Variants in LRMDA observed in about 807,000 individuals in gnomAD.
LRMDA encodes leucine rich melanocyte differentiation associated, also known as leucine-rich melanocyte differentiation-associated protein.
A neutral mutation model predicts 29.8 loss-of-function variants in LRMDA; 18 were observed. That is an observed-to-expected ratio of 0.60 (90% CI 0.42 to 0.90). The LOEUF is 0.90. Ranked by LOEUF, LRMDA falls within the 40% of genes least tolerant of loss-of-function variation. The pLI, the probability that LRMDA is intolerant of heterozygous loss-of-function variation, is 0.00. For missense variants in LRMDA, 273 were observed against 273.9 expected, an observed-to-expected ratio of 1.00 and a Z score of 0.02; for synonymous variants, 125 against 109.4, an observed-to-expected ratio of 1.14 and a Z score of -0.89.
intron 4 of LRMDA, among the ~76,000 whole-genome samples, chr10:76,051,419 A>G (rs1732509858): frequency 6.6e-6 from 1 of 152,196 alleles, no homozygotes; most frequent in Admixed American, 6.5e-5. Flanking sequence ...GGCCTCTGCC[A>G]GTTGTCAGGC....
At chr10:76,196,964 TC>T (rs1295856443) in intron 5 of LRMDA, among the ~76,000 whole-genome samples, 2 of 152,120 alleles carry the variant, frequency 1.3e-5, no homozygotes, top group African/African-American at 4.8e-5. Flanking sequence ...TGTAAAATGG[TC>T]CTTTCTCTTT....
intron 5 of LRMDA, among the ~76,000 whole-genome samples, chr10:76,126,427 TA>T (rs1390154642): frequency 1.3e-5 from 2 of 152,226 alleles, no homozygotes; most frequent in Non-Finnish European, 2.9e-5. Context: ...CCCTGTGGTA[TA>T]ACCTGTGGCT....
At chr10:75,876,411 G>A (rs1845199069) in intron 2 of LRMDA, among the ~76,000 whole-genome samples, 1 of 152,210 alleles carries the variant, frequency 6.6e-6, no homozygotes, top group Non-Finnish European at 1.5e-5. Context: ...AAATTCAGAA[G>A]AGAGAGACAG....
intron 2 of LRMDA, among the ~76,000 whole-genome samples, chr10:75,579,431 T>C (rs1840557418): frequency 6.6e-6 from 1 of 152,224 alleles, no homozygotes; most frequent in Non-Finnish European, 1.5e-5. Context: ...TAGCAATTAT[T>C]AGCCTACCAA....
At chr10:75,768,383 A>T (rs1018762631) in intron 2 of LRMDA, among the ~76,000 whole-genome samples, 3 of 152,236 alleles carry the variant, frequency 2.0e-5, no homozygotes, top group Non-Finnish European at 4.4e-5. Flanking sequence ...TGTACATCAG[A>T]TGGGTAATAA....
At chr10:75,575,246 C>T (rs574252988) in intron 2 of LRMDA, among the ~76,000 whole-genome samples, 8 of 152,162 alleles carry the variant, frequency 5.3e-5, no homozygotes, top group Non-Finnish European at 8.8e-5. Flanking sequence ...AATATCCAAA[C>T]CATATCATTC....
At chr10:75,794,401 G>T (rs1843617969) in intron 2 of LRMDA, among the ~76,000 whole-genome samples, 1 of 152,136 alleles carries the variant, frequency 6.6e-6, no homozygotes, top group Non-Finnish European at 1.5e-5. Flanking sequence ...GAGCATTCAT[G>T]TGAAAATCTG....
intron 6 of LRMDA, among the ~76,000 whole-genome samples, chr10:76,492,613 T>C (rs1370493377): frequency 6.6e-6 from 1 of 152,068 alleles, no homozygotes; most frequent in Non-Finnish European, 1.5e-5. Context: ...TTGTATTAAT[T>C]CGTTTTCATA....
At chr10:76,202,366 C>T (rs72642261) in intron 5 of LRMDA, among the ~76,000 whole-genome samples, 23,211 of 152,154 alleles carry the variant, frequency 0.15, 2,506 homozygotes, top group East Asian at 0.53. Context: ...GCATTTCCTT[C>T]CCTGACTTCC....
intron 5 of LRMDA, among the ~76,000 whole-genome samples, chr10:76,295,246 G>C (rs1188187527): frequency 1.3e-5 from 2 of 152,170 alleles, no homozygotes; most frequent in Non-Finnish European, 2.9e-5. Context: ...CAAAGATGTG[G>C]GTGCTGATTG....
intron 2 of LRMDA, among the ~76,000 whole-genome samples, chr10:75,723,581 G>A (rs1387961339): frequency 6.6e-6 from 1 of 152,162 alleles, no homozygotes; most frequent in African/African-American, 2.4e-5. Context: ...GCTCCAATGG[G>A]TGTTCATAGT....
At chr10:75,808,353 G>A (rs562735125) in intron 2 of LRMDA, among the ~76,000 whole-genome samples, 50 of 152,300 alleles carry the variant, frequency 3.3e-4, no homozygotes, top group South Asian at 6.2e-4. Flanking sequence ...CAGGGCGTGC[G>A]TCTCGTGCAT....
In LRMDA at chr10:75,433,623, A is replaced by G. The variant is rs527365621; in HGVS notation, c.30+1869A>G. On this transcript the variant is annotated intron_variant, in intron 1 of 6. Transcript: ENST00000611255. ...AATGGCGGCCGCTTTAAGAGGTAGCACCTTGGATGTGGGTAGCATGGAACA... is the reference window on the plus strand; with the variant it reads ...AATGGCGGCCGCTTTAAGAGGTAGCGCCTTGGATGTGGGTAGCATGGAACA... Among the ~76,000 whole-genome samples, 36 of 152,232 alleles carry G rather than the reference A, an allele frequency of 2.4e-4. No individual in the cohort carries two copies. In the East Asian group the frequency reaches 6.7e-3, roughly 29 times the overall value.
chr10:76,361,991 A>G (rs1481902558), intron 6 of LRMDA, among the ~76,000 whole-genome samples: 2 of 152,184 alleles, frequency 1.3e-5, no homozygotes, highest in African/African-American at 4.8e-5. Context: ...CTCCAGAAAC[A>G]TTATTTAAAG....
chr10:75,749,688 G>A (rs1424923167), intron 2 of LRMDA, among the ~76,000 whole-genome samples: 2 of 151,040 alleles, frequency 1.3e-5, no homozygotes, highest in Non-Finnish European at 2.9e-5. Context: ...GGGGGATTTG[G>A]CAGGGTCATA....
At chr10:75,469,669 G>A (rs1564779099) in intron 2 of LRMDA, among the ~76,000 whole-genome samples, 1 of 152,158 alleles carries the variant, frequency 6.6e-6, no homozygotes, top group Non-Finnish European at 1.5e-5. Flanking sequence ...GGTAGCATGA[G>A]GGGAGCCAGA....
At chr10:76,553,643 C>T (rs572669454) in intron 6 of LRMDA, among the ~76,000 whole-genome samples, 1 of 152,296 alleles carries the variant, frequency 6.6e-6, no homozygotes, top group East Asian at 1.9e-4. Context: ...TGTGCTGTTT[C>T]GTGCATGTTT....
intron 2 of LRMDA, among the ~76,000 whole-genome samples, chr10:75,517,435 C>T (rs943997919): frequency 5.9e-5 from 9 of 151,996 alleles, no homozygotes; most frequent in African/African-American, 2.2e-4. Context: ...AACTTGGATT[C>T]CTAGGTATTT....
At chr10:75,692,564 CGTGT>C (rs10553888) in intron 2 of LRMDA, among the ~76,000 whole-genome samples, 22,932 of 139,974 alleles carry the variant, frequency 0.16, 1,998 homozygotes, top group South Asian at 0.28. Flanking sequence ...CATATGTATA[CGTGT>C]GTGTGTGTGT....
Sources: gnomAD v4.1 joint callset for allele counts (sites outside exome capture counted in the v4.1 genomes callset) on GRCh38, gnomAD v4.1.1 for gene constraint, MANE v1.5 for transcripts, NCBI Gene and HGNC (gene_info 2026-07-23, HGNC 2026-07-21) for gene names.